Variants in CTSH observed in about 807,000 individuals in gnomAD.
CTSH encodes the protein cathepsin H, also known as pro-cathepsin H.
In CTSH, 52 loss-of-function variants were observed where a neutral mutation model predicts 56.3. That is an observed-to-expected ratio of 0.92 (90% CI 0.74 to 1.16). The LOEUF (loss-of-function observed/expected upper bound fraction) is 1.16, where lower values mean the gene tolerates loss of function less well. Among genes scored for constraint, CTSH ranks in the 50% most tolerant of loss-of-function variants. The pLI is 0.00. For missense variants in CTSH, 406 were observed against 424.5 expected (o/e 0.96, Z 0.38); for synonymous variants, 174 against 155.7 (o/e 1.12, Z -0.88).
chr15:78,932,063 G>A (rs776134161), intron 6 of CTSH: 2 of 1,244,156 alleles, frequency 1.6e-6, no homozygotes, highest in Non-Finnish European at 2.0e-6. Flanking sequence ...GTAGCTCCTA[G>A]TTGGCTACCC....
intron 5 of CTSH, chr15:78,933,571 G>C (rs1208251385): frequency 4.4e-6 from 2 of 454,838 alleles, no homozygotes; most frequent in South Asian, 3.1e-5. Flanking sequence ...GGGAGGGAGG[G>C]ACGGCCTGGT....
intron 10 of CTSH, among the ~76,000 whole-genome samples, chr15:78,924,692 ATT>A (rs557517206): frequency 6.9e-6 from 1 of 144,904 alleles, no homozygotes; most frequent in African/African-American, 2.6e-5. Flanking sequence ...AAACATGGGT[ATT>A]TTTTTTTTTT....
rs929384130 is a variant in CTSH at position 78,921,115 on chromosome 15, T to A, written c.*1015A>T. ...CTAAATAAGCCTTATCATGAACATA[T>A]ATATTTTTCAAATATTCTCAAGCCT... On this transcript the variant is annotated 3_prime_UTR_variant, in exon 12 of 12. Transcript: ENST00000220166. The A allele has an allele frequency of 2.0e-5, 3 of 152,196 alleles. No individual in the cohort carries two copies. Among genetic ancestry groups the A allele is most frequent in the African/African-American group, 7.2e-5 (3 of 41,446 alleles). 9.4% of individuals were successfully genotyped at this position (152,196 alleles called of 1,614,324 possible).
chr15:78,930,117 C>G (rs539547944), intron 7 of CTSH, among the ~76,000 whole-genome samples: 1 of 152,262 alleles, frequency 6.6e-6, no homozygotes, highest in Non-Finnish European at 1.5e-5. Flanking sequence ...AATGCCCGCT[C>G]TTCCAGTTCT....
In CTSH at chr15:78,925,422, CCAT is replaced by C. The variant is rs2054882724; in HGVS notation, c.715_717del (p.Met239del). ...GGGTTGTAGAGGGCCACAGCCTCCACCATCGCTTCCTCGTCATACTGTGGAAAC... is the reference window on the plus strand; with the variant it reads ...GGGTTGTAGAGGGCCACAGCCTCCACCGCTTCCTCGTCATACTGTGGAAAC... On this transcript the variant is annotated inframe_deletion, in exon 10 of 12. Transcript: ENST00000220166. 6.2e-7 allele frequency: 1 copy of C among 1,613,492 alleles called. No individual in the cohort carries two copies. Among genetic ancestry groups the C allele is most frequent in the Non-Finnish European group, 8.5e-7 (1 of 1,179,440 alleles).
chr15:78,924,243 G>A (rs1338503190), intron 10 of CTSH, among the ~76,000 whole-genome samples: 1 of 152,170 alleles, frequency 6.6e-6, no homozygotes, highest in African/African-American at 2.4e-5. Flanking sequence ...GCAGATGAGT[G>A]TGGAAAAAGA....
At chr15:78,941,422 T>TA (rs35226827) in intron 1 of CTSH, among the ~76,000 whole-genome samples, 19,226 of 48,568 alleles carry the variant, frequency 0.4, 4,125 homozygotes, top group African/African-American at 0.48. Context: ...AGACTCTGTC[T>TA]AAAAAAAAAA....
chr15:78,940,407 GACCT>G (rs2055262888), intron 1 of CTSH, among the ~76,000 whole-genome samples: 1 of 151,942 alleles, frequency 6.6e-6, no homozygotes, highest in Non-Finnish European at 1.5e-5. Flanking sequence ...AACAAAGTGA[GACCT>G]CGTCTCTACA....
intron 6 of CTSH, chr15:78,931,835 G>A: frequency 1.6e-6 from 2 of 1,289,018 alleles, no homozygotes; most frequent in South Asian, 3.2e-5. Context: ...TATAGGATGG[G>A]GGAAACAGGC....
chr15:78,936,848 T>C (rs1226984491), intron 3 of CTSH, among the ~76,000 whole-genome samples: 1 of 152,126 alleles, frequency 6.6e-6, no homozygotes, highest in Non-Finnish European at 1.5e-5. Flanking sequence ...AGGCTGGTCT[T>C]GAACTCCCAA....
rs1281009595 is a variant in CTSH at position 78,921,295 on chromosome 15, T to TAAAC, written c.*831_*834dup. 1 of 152,060 alleles carries TAAAC rather than the reference T, an allele frequency of 6.6e-6. No homozygotes were observed. The highest frequency in any genetic ancestry group is 2.4e-5 in the African/African-American group (1 of 41,402). 9.4% of individuals were successfully genotyped at this position (152,060 alleles called of 1,614,324 possible). ...CAGCAGCAACTTCATGGCCGCCCTCTAAACAGAGATCAAGATTTCTCAAAA... is the reference window on the plus strand; with the variant it reads ...CAGCAGCAACTTCATGGCCGCCCTCTAAACAAACAGAGATCAAGATTTCTCAAAA... On this transcript the variant is annotated 3_prime_UTR_variant, in exon 12 of 12. Coordinates refer to ENST00000220166, the MANE Select transcript of CTSH (RefSeq NM_004390.5).
intron 6 of CTSH, chr15:78,931,734 G>A: frequency 7.0e-7 from 1 of 1,432,446 alleles, no homozygotes; most frequent in South Asian, 1.5e-5. Flanking sequence ...GGGCAGCCAG[G>A]GAAGGTGAGA....
At chr15:78,937,714 C>A in intron 2 of CTSH, 1 of 1,365,656 alleles carries the variant, frequency 7.3e-7, no homozygotes, top group Non-Finnish European at 9.6e-7. Flanking sequence ...TCCTGGACGC[C>A]ACTGCTGGTG....
Position 78,924,102 on chromosome 15 carries a change from G to C in CTSH, c.807-984C>G, listed in dbSNP as rs192882686. 1.1e-4 allele frequency among the ~76,000 whole-genome samples: 14 copies of C among 126,518 alleles called. 1 individual carries two copies. The highest frequency in any genetic ancestry group is 4.9e-4 in the Admixed American group (6 of 12,148). The allele number at this position is 126,518 out of a possible 152,430, so 83.0% of individuals were successfully genotyped here. A position where few individuals can be genotyped will look rare whatever the true frequency, so the allele number is the denominator to read the frequency against. On this transcript the variant is annotated intron_variant, in intron 10 of 11. Transcript: ENST00000220166. ...TGGGGGGGATCCAACCCAGCGGGGG[G>C]GGGGGGGAGGGTGGGCAGGGTGGGT... is the stretch of plus-strand genomic sequence containing the variant.
Position 78,921,822 on chromosome 15 carries a change from TC to T in CTSH, c.*307del, listed in dbSNP as rs1386787907. ...TGAACAGCGAATACAGAAAAGACAG[TC>T]CCTGGAGCTCTATATGTGGAAAGTA... On this transcript the variant is annotated 3_prime_UTR_variant, in exon 12 of 12. Transcript: ENST00000220166. 6 of 362,276 alleles carry T rather than the reference TC, an allele frequency of 1.7e-5. No homozygotes were observed. Among genetic ancestry groups the T allele is most frequent in the Non-Finnish European group, 3.0e-5 (6 of 197,564 alleles). 22.4% of individuals were successfully genotyped at this position (362,276 alleles called of 1,614,324 possible).
At chr15:78,931,378 C>T (rs1411373427) in intron 7 of CTSH, 73 bp downstream of exon 7, 1 of 1,584,916 alleles carries the variant, frequency 6.3e-7, no homozygotes, top group African/African-American at 1.3e-5. Flanking sequence ...GCAGACCCAG[C>T]ACACACTGGA....
chr15:78,929,760 G>T (rs1441372888), intron 7 of CTSH, among the ~76,000 whole-genome samples: 2 of 152,164 alleles, frequency 1.3e-5, no homozygotes, highest in African/African-American at 4.8e-5. Flanking sequence ...GGAGTGCACA[G>T]CCCCACACCA....
chr15:78,929,523 C>T lies in CTSH; in HGVS notation c.549-30G>A, dbSNP rs769204202. ...AAGAAGTACACACAGGTGAGCCCACCTGGGGCTGTCCTGATAGAGGCGGGG... is the reference window on the plus strand; with the variant it reads ...AAGAAGTACACACAGGTGAGCCCACTTGGGGCTGTCCTGATAGAGGCGGGG... On this transcript the variant is annotated intron_variant, in intron 7 of 11. Transcript: ENST00000220166. 9.7e-6 allele frequency: 15 copies of T among 1,541,684 alleles called. No individual in the cohort carries two copies. In the Admixed American group the frequency reaches 1.1e-4, roughly 11 times the overall value.
chr15:78,923,036 A>G lies in CTSH; in HGVS notation c.889T>C (p.Trp297Arg). 1 of 1,613,422 alleles carries G rather than the reference A, an allele frequency of 6.2e-7. No individual in the cohort carries two copies. The highest frequency in any genetic ancestry group is 8.5e-7 in the Non-Finnish European group (1 of 1,179,734). ...GYGEKNGIPY[W>R]IVKNSWGPQW... is the part of the protein sequence containing the mutation. ...GGACCCCAAGAGTTTTTCACGATCC[A>G]GTAAGGGATCCCATTTTTTTCTCCA... Residue 297 changes from tryptophan to arginine, a missense_variant, in exon 11 of 12, where the codon TGG becomes CGG. Physicochemically the swap from Trp to Arg is moderately radical, Grantham distance 101. Coordinates refer to ENST00000220166, the MANE Select transcript of CTSH (RefSeq NM_004390.5).
Sources: gnomAD v4.1 joint callset for allele counts (sites outside exome capture counted in the v4.1 genomes callset) on GRCh38, gnomAD v4.1.1 for gene constraint, MANE v1.5 for transcripts, NCBI Gene and HGNC (gene_info 2026-07-23, HGNC 2026-07-21) for gene names.